Variants in RAB14 observed in about 807,000 individuals in gnomAD.
The protein encoded by RAB14 is RAB14, member RAS oncogene family.
A neutral mutation model predicts 31.1 loss-of-function variants in RAB14; 3 were observed. The observed-to-expected ratio is 0.10, with a 90% confidence interval of 0.04 to 0.25. RAB14 has a LOEUF of 0.25. Ranked by LOEUF, RAB14 falls within the 10% of genes least tolerant of loss-of-function variation. RAB14 has a pLI of 1.00. For synonymous variants in RAB14, 85 were observed against 84.9 expected, an observed-to-expected ratio of 1.00 and a Z score of 0.00; for missense variants, 111 against 260.1, an observed-to-expected ratio of 0.43 and a Z score of 3.94.
intron 5 of RAB14, among the ~76,000 whole-genome samples, chr9:121,185,925 G>A (rs937654839): frequency 6.6e-6 from 1 of 152,124 alleles, no homozygotes; most frequent in African/African-American, 2.4e-5. Context: ...TAATGGAAAT[G>A]AAAGTTTCAG....
chr9:121,186,487 A>G (rs1318616865), intron 5 of RAB14, among the ~76,000 whole-genome samples: 1 of 152,192 alleles, frequency 6.6e-6, no homozygotes, highest in Non-Finnish European at 1.5e-5. Flanking sequence ...TTTAACACAT[A>G]TAGAATCCTT....
At chr9:121,199,507 T>C (rs2053739701) in intron 1 of RAB14, among the ~76,000 whole-genome samples, 1 of 152,224 alleles carries the variant, frequency 6.6e-6, no homozygotes, top group South Asian at 2.1e-4. Context: ...TTTATTTACC[T>C]TAATCAAGTT....
intron 1 of RAB14, among the ~76,000 whole-genome samples, chr9:121,194,127 C>CACAT (rs1435580420): frequency 1.4e-5 from 2 of 145,614 alleles, no homozygotes; most frequent in Non-Finnish European, 1.5e-5. Flanking sequence ...CACACACACA[C>CACAT]ACATTTTTTG....
At chr9:121,196,855 C>T (rs1354276139) in intron 1 of RAB14, among the ~76,000 whole-genome samples, 1 of 152,136 alleles carries the variant, frequency 6.6e-6, no homozygotes, top group Non-Finnish European at 1.5e-5. Context: ...CTTGAGAACA[C>T]TTGAGAGTAA....
chr9:121,201,183 T>C (rs888060256), intron 1 of RAB14, among the ~76,000 whole-genome samples: 3 of 151,986 alleles, frequency 2.0e-5, no homozygotes, highest in African/African-American at 7.3e-5. Flanking sequence ...AGACGCGGCC[T>C]ACGGGACGGG....
chr9:121,190,797 A>C lies in RAB14; in HGVS notation c.107-66T>G, dbSNP rs117259452. The C allele has an allele frequency of 3.7e-4, 541 of 1,472,914 alleles. 5 individuals carry two copies. In the East Asian group the frequency reaches 9.9e-3, roughly 27 times the overall value. The allele number at this position is 1,472,914 out of a possible 1,614,324, so 91.2% of individuals were successfully genotyped here. ...AACTTCAAATTAAGCCTAGAGGGGG[A>C]AAATCCACTAAATAAGCAAATGGCT... On this transcript the variant is annotated intron_variant, in intron 3 of 7. Coordinates refer to ENST00000373840, the MANE Select transcript of RAB14 (RefSeq NM_016322.4).
chr9:121,193,556 T>C (rs1247463534), intron 1 of RAB14, 137 bp from the exon 2 acceptor site: 4 of 604,878 alleles, frequency 6.6e-6, no homozygotes, highest in Non-Finnish European at 1.2e-5. Flanking sequence ...AAAATAAAAC[T>C]GCATTTCACA....
At chr9:121,201,240 T>A (rs1281571807) in intron 1 of RAB14, among the ~76,000 whole-genome samples, 1 of 152,006 alleles carries the variant, frequency 6.6e-6, no homozygotes, top group African/African-American at 2.4e-5. Flanking sequence ...GCGGCACGCG[T>A]GGGTACACCC....
chr9:121,188,079 TTTTA>T (rs376252110), intron 4 of RAB14, among the ~76,000 whole-genome samples: 1 of 152,108 alleles, frequency 6.6e-6, no homozygotes, highest in African/African-American at 2.4e-5. Flanking sequence ...TTAGTCAGAC[TTTTA>T]TTGTGTTACA....
At chr9:121,193,464 C>A in intron 1 of RAB14, 45 bp from the exon 2 acceptor site, 1 of 1,285,680 alleles carries the variant, frequency 7.8e-7, no homozygotes, top group Non-Finnish European at 1.1e-6. Flanking sequence ...AAAGCATATA[C>A]AAGTAATTCA....
chr9:121,201,593 G>A (rs1303598718), intron 1 of RAB14, 46 bp downstream of exon 1: 1 of 152,314 alleles, frequency 6.6e-6, no homozygotes, highest in Non-Finnish European at 1.5e-5. Flanking sequence ...AGAACCCGGC[G>A]CGAGGAGGTA....
At chr9:121,193,284 T>G in intron 2 of RAB14, 77 bp downstream of exon 2, 1 of 956,834 alleles carries the variant, frequency 1.0e-6, no homozygotes, top group South Asian at 1.5e-5. Context: ...GAAGTGGTAC[T>G]GTTTAAGTAT....
chr9:121,181,452 G>T lies in RAB14; in HGVS notation c.592C>A (p.Gln198Lys), dbSNP rs1183852690. ...GGTTCACTGGTTAGCCGGCCTCCCT[G>T]CGGGGCTGAAGGTTTGTGTTGTACA... The part of the protein sequence containing the change: ...SGVQHKPSAP[Q>K]GGRLTSEPQP... The change falls in exon 8 of 8, where the codon CAG becomes AAG. Residue 198 changes from glutamine (Q) to lysine (K), a missense_variant. Transcript: ENST00000373840. 1 of 1,612,484 alleles carries T rather than the reference G, an allele frequency of 6.2e-7. No individual in the cohort carries two copies. The highest frequency in any genetic ancestry group is 8.5e-7 in the Non-Finnish European group (1 of 1,178,754).
chr9:121,181,994 C>T (rs1203974680), intron 7 of RAB14, among the ~76,000 whole-genome samples: 1 of 152,110 alleles, frequency 6.6e-6, no homozygotes, highest in East Asian at 1.9e-4. Context: ...GATCCGCCTG[C>T]CTTGGCTTCC....
rs1190672067 is a variant in RAB14, at chr9:121,178,666, CTA to C, written c.*2728_*2729del. 6.6e-6 allele frequency: 1 copy of C among 151,846 alleles called. No individual in the cohort carries two copies. The highest frequency in any genetic ancestry group is 2.4e-5 in the African/African-American group (1 of 40,894). 9.4% of individuals were successfully genotyped at this position (151,846 alleles called of 1,614,324 possible). The stretch of plus-strand genomic sequence containing the variant: ...CCTTTCCAAAGAAATTGTACTACCT[CTA>C]TTAACGTGTAAACCACCAACCAAAA... On this transcript the variant is annotated 3_prime_UTR_variant, in exon 8 of 8. Transcript: ENST00000373840.
chr9:121,188,108 A>G (rs1399845188), intron 4 of RAB14, among the ~76,000 whole-genome samples: 2 of 151,988 alleles, frequency 1.3e-5, no homozygotes, highest in East Asian at 3.9e-4. Flanking sequence ...ATTATTCATA[A>G]ATCACCACTT....
chr9:121,189,565 A>G (rs1469793663), intron 4 of RAB14, among the ~76,000 whole-genome samples: 2 of 152,120 alleles, frequency 1.3e-5, no homozygotes, highest in Admixed American at 6.6e-5. Context: ...TAATTAGTCA[A>G]TATCTTTATT....
chr9:121,181,900 A>G (rs1341685659), intron 7 of RAB14, among the ~76,000 whole-genome samples: 1 of 151,448 alleles, frequency 6.6e-6, no homozygotes. Flanking sequence ...GGAGCACACC[A>G]CCACGCCCAG....
chr9:121,191,521 T>C (rs2053686676), intron 3 of RAB14, among the ~76,000 whole-genome samples: 1 of 152,124 alleles, frequency 6.6e-6, no homozygotes, highest in South Asian at 2.1e-4. Context: ...ATACTACTTA[T>C]TATACAATGA....
Sources: allele counts gnomAD v4.1 joint callset (sites outside exome capture counted in the v4.1 genomes callset), GRCh38; gene constraint gnomAD v4.1.1; transcripts MANE v1.5; gene names NCBI Gene and HGNC (gene_info 2026-07-23, HGNC 2026-07-21).